KLHL32: variants seen among roughly 807,000 people sequenced by gnomAD.
KLHL32 encodes the protein kelch-like protein 32.
Under a neutral mutation model 64.8 loss-of-function variants are expected in KLHL32, and 35 were observed. The ratio of observed to expected loss-of-function variants is 0.54; its 90% CI spans 0.41 to 0.72. The LOEUF is 0.72. Among genes scored for constraint, KLHL32 ranks in the 30% least tolerant of loss-of-function variants. KLHL32 has a pLI of 0.00. For synonymous variants in KLHL32, 259 were observed against 281.0 expected, an observed-to-expected ratio of 0.92 and a Z score of 0.78; for missense variants, 589 against 768.5, an observed-to-expected ratio of 0.77 and a Z score of 2.76.
chr6:96,962,439 T>C (rs1164541492), intron 1 of KLHL32, among the ~76,000 whole-genome samples: 2 of 152,152 alleles, frequency 1.3e-5, no homozygotes, highest in Non-Finnish European at 1.5e-5. Context: ...ATGCCCAGCT[T>C]CCTCTGGAGA....
At chr6:96,971,574 G>A (rs1158494546) in intron 2 of KLHL32, among the ~76,000 whole-genome samples, 3 of 152,030 alleles carry the variant, frequency 2.0e-5, no homozygotes, top group Non-Finnish European at 4.4e-5. Context: ...TGATCAAATG[G>A]TTGCTCCCTG....
intron 4 of KLHL32, among the ~76,000 whole-genome samples, chr6:97,061,455 G>A (rs1788885767): frequency 6.7e-6 from 1 of 150,324 alleles, no homozygotes; most frequent in East Asian, 2.0e-4. Context: ...TATGCCTCTA[G>A]CTGTGATATG....
chr6:97,007,534 G>T (rs1414878983), intron 3 of KLHL32, among the ~76,000 whole-genome samples: 3 of 152,182 alleles, frequency 2.0e-5, no homozygotes, highest in Non-Finnish European at 4.4e-5. Context: ...AACTAGCGTG[G>T]CTGGTTGAAG....
At chr6:96,986,690 C>A (rs1315146458) in intron 3 of KLHL32, among the ~76,000 whole-genome samples, 1 of 152,226 alleles carries the variant, frequency 6.6e-6, no homozygotes, top group Non-Finnish European at 1.5e-5. Flanking sequence ...GATATAATCT[C>A]CTGGTGTGCC....
At chr6:97,120,938 A>G (rs764467801) in intron 7 of KLHL32, among the ~76,000 whole-genome samples, 21 of 152,138 alleles carry the variant, frequency 1.4e-4, no homozygotes, top group Non-Finnish European at 2.5e-4. Flanking sequence ...AAACAAAGCT[A>G]CTCTAGTATT....
the KLHL32 span, among the ~76,000 whole-genome samples, chr6:96,903,803 A>G: frequency 9.9e-5 from 15 of 152,246 alleles, no homozygotes; most frequent in Non-Finnish European, 2.9e-5. Context: ...GGAATAGAAG[A>G]AAACTGCCTT....
intron 4 of KLHL32, among the ~76,000 whole-genome samples, chr6:97,043,718 CTTG>C (rs1341229563): frequency 1.3e-5 from 2 of 149,520 alleles, no homozygotes; most frequent in Admixed American, 6.6e-5. Context: ...CTCATCAATA[CTTG>C]TTATCGATTG....
chr6:97,137,167 T>C (rs1248885583), intron 10 of KLHL32, among the ~76,000 whole-genome samples: 1 of 152,182 alleles, frequency 6.6e-6, no homozygotes, highest in African/African-American at 2.4e-5. Flanking sequence ...GGCGAAGTAG[T>C]GATACTTGTC....
chr6:96,912,323 C>T, the KLHL32 span, among the ~76,000 whole-genome samples: 1 of 152,152 alleles, frequency 6.6e-6, no homozygotes, highest in East Asian at 1.9e-4. Flanking sequence ...TTGCTCATCA[C>T]CCTGATTAAC....
intron 4 of KLHL32, among the ~76,000 whole-genome samples, chr6:97,056,387 G>A (rs952851305): frequency 6.6e-6 from 1 of 152,082 alleles, no homozygotes. Flanking sequence ...TTACAAACGT[G>A]AGCCACCAGG....
intron 3 of KLHL32, among the ~76,000 whole-genome samples, chr6:96,990,278 A>G (rs1402845978): frequency 1.3e-5 from 2 of 152,116 alleles, no homozygotes; most frequent in African/African-American, 2.4e-5. Context: ...GGATGTTTTC[A>G]AAGGGCTGAG....
At chr6:96,948,535 A>G (rs950092072) in intron 1 of KLHL32, among the ~76,000 whole-genome samples, 1 of 152,252 alleles carries the variant, frequency 6.6e-6, no homozygotes, top group Non-Finnish European at 1.5e-5. Context: ...ATCATAGGAT[A>G]TACTTTGGGT....
At chr6:97,012,433 C>G (rs950801075) in intron 3 of KLHL32, among the ~76,000 whole-genome samples, 1 of 152,186 alleles carries the variant, frequency 6.6e-6, no homozygotes, top group Admixed American at 6.5e-5. Context: ...CTGGAAAAGA[C>G]AAGGAAACAA....
chr6:97,077,328 AAG>A (rs112843221), intron 5 of KLHL32, among the ~76,000 whole-genome samples: 152 of 152,350 alleles, frequency 1.0e-3, no homozygotes, highest in African/African-American at 3.6e-3. Flanking sequence ...TTTGTGACAA[AAG>A]AGTCTCAAAG....
intron 5 of KLHL32, among the ~76,000 whole-genome samples, chr6:97,083,121 G>A (rs1041233044): frequency 3.9e-5 from 6 of 152,130 alleles, no homozygotes; most frequent in South Asian, 2.1e-4. Flanking sequence ...GCTGGGTGCC[G>A]TGGCTCATGC....
At chr6:97,087,675 GATGAGAGC>G (rs1337065088) in intron 6 of KLHL32, among the ~76,000 whole-genome samples, 4 of 152,172 alleles carry the variant, frequency 2.6e-5, no homozygotes, top group Non-Finnish European at 5.9e-5. Flanking sequence ...CAGTAACTTA[GATGAGAGC>G]ATGGTAAACA....
the KLHL32 span, among the ~76,000 whole-genome samples, chr6:96,916,918 T>C: frequency 1.3e-5 from 2 of 152,176 alleles, no homozygotes; most frequent in African/African-American, 4.8e-5. Context: ...TGAAATATAA[T>C]CAACCTATGG....
chr6:97,119,048 A>G (rs767628284), intron 7 of KLHL32, among the ~76,000 whole-genome samples: 2 of 152,154 alleles, frequency 1.3e-5, no homozygotes, highest in Non-Finnish European at 2.9e-5. Context: ...CTGTCCTCAC[A>G]CTTGAACTTC....
chr6:97,019,111 C>T (rs1781636239), intron 3 of KLHL32, among the ~76,000 whole-genome samples: 1 of 152,108 alleles, frequency 6.6e-6, no homozygotes, highest in Non-Finnish European at 1.5e-5. Flanking sequence ...CTATCATATA[C>T]TTGCAATTGT....
Sources: gnomAD v4.1 joint callset for allele counts (sites outside exome capture counted in the v4.1 genomes callset) on GRCh38, gnomAD v4.1.1 for gene constraint, MANE v1.5 for transcripts, NCBI Gene and HGNC (gene_info 2026-07-23, HGNC 2026-07-21) for gene names.